The following COL6A6 variants were observed in gnomAD, a reference collection of about 807,000 sequenced individuals.
The protein encoded by COL6A6 is collagen type VI alpha 6 chain.
A neutral mutation model predicts 208.6 loss-of-function variants in COL6A6; 183 were observed. The ratio of observed to expected loss-of-function variants is 0.88; its 90% CI spans 0.78 to 0.99. COL6A6 has a LOEUF of 0.99. COL6A6 is among the 50% of genes least tolerant of loss of function. COL6A6 has a pLI of 0.00. For missense variants in COL6A6, 2,816 were observed against 2,815.2 expected (o/e 1.00, Z -0.01); for synonymous variants, 973 against 1,011.8 (o/e 0.96, Z 0.73).
At chr3:130,552,292 G>A (rs2062661061) in intron 1 of COL6A6, among the ~76,000 whole-genome samples, 1 of 152,160 alleles carries the variant, frequency 6.6e-6, no homozygotes, top group South Asian at 2.1e-4. Context: ...AGGTCTCTGG[G>A]AACTTGCTTA....
intron 33 of COL6A6, among the ~76,000 whole-genome samples, chr3:130,656,682 CCTT>C (rs1184153440): frequency 6.6e-6 from 1 of 152,234 alleles, no homozygotes; most frequent in Non-Finnish European, 1.5e-5. Context: ...CTGTCTGCCT[CCTT>C]CTGTCATCCA....
At chr3:130,578,062 G>A (rs1199670713) in intron 8 of COL6A6, among the ~76,000 whole-genome samples, 1 of 152,072 alleles carries the variant, frequency 6.6e-6, no homozygotes, top group African/African-American at 2.4e-5. Flanking sequence ...TTTGAGACTG[G>A]CTATTCTGTC....
Position 130,586,530 on chromosome 3 carries a change from C to A in COL6A6, c.3995C>A (p.Ala1332Asp). 2 of 1,613,534 alleles carry A rather than the reference C, an allele frequency of 1.2e-6. No homozygotes were observed. Among genetic ancestry groups the A allele is most frequent in the African/African-American group, 1.3e-5 (1 of 75,016 alleles). ...GGCCTGAATGCCCTCATAACTGTTGCTCTGGATGGACCTGCTGATTCAAGT... is the reference window on the plus strand; with the variant it reads ...GGCCTGAATGCCCTCATAACTGTTGATCTGGATGGACCTGCTGATTCAAGT... ...KEGLNALITV[A>D]LDGPADSSDL... The change falls in exon 11 of 37, where the codon GCT (alanine) becomes GAT (aspartate). Residue 1332 changes from alanine (A) to aspartate (D), a missense_variant. Physicochemically the swap from Ala to Asp is moderately radical, Grantham distance 126. Coordinates refer to ENST00000358511, the MANE Select transcript of COL6A6 (RefSeq NM_001102608.3).
chr3:130,603,276 C>A (rs2064079788), intron 20 of COL6A6, among the ~76,000 whole-genome samples: 1 of 152,216 alleles, frequency 6.6e-6, no homozygotes, highest in Non-Finnish European at 1.5e-5. Flanking sequence ...GGCTAGGCCT[C>A]CGCCCATTAG....
chr3:130,596,501 G>A (rs2063854658), intron 18 of COL6A6, among the ~76,000 whole-genome samples: 1 of 152,080 alleles, frequency 6.6e-6, no homozygotes, highest in Non-Finnish European at 1.5e-5. Flanking sequence ...TTTTACATGT[G>A]GCTTCAGTGC....
rs780016731 is a variant in COL6A6, at chr3:130,589,166, G to T, written c.4202G>T (p.Gly1401Val). 7.4e-6 allele frequency: 12 copies of T among 1,613,382 alleles called. No individual in the cohort carries two copies. The South Asian group carries it at 1.3e-4, about 18-fold the overall frequency. ...IGGDGTMGDP[G>V]PPGKRGPPGF... ...GGAGATGGCACAATGGGAGATCCTG[G>T]ACCACCAGGGAAAAGGGTGATTTTA... Residue 1401 changes from glycine to valine, a missense_variant, in exon 12 of 37, where the codon GGA (glycine) becomes GTA (valine). By Grantham distance (109) the Gly-to-Val change is moderately radical. Coordinates refer to ENST00000358511, the MANE Select transcript of COL6A6 (RefSeq NM_001102608.3).
At chr3:130,607,164 A>C (rs544185159) in intron 21 of COL6A6, among the ~76,000 whole-genome samples, 198 bp downstream of exon 21, 3 of 152,328 alleles carry the variant, frequency 2.0e-5, no homozygotes, top group Admixed American at 2.0e-4. Context: ...AAAAACCATA[A>C]AAAATAATGG....
chr3:130,556,774 G>T (rs928570919), intron 1 of COL6A6, among the ~76,000 whole-genome samples: 1 of 152,144 alleles, frequency 6.6e-6, no homozygotes, highest in East Asian at 1.9e-4. Context: ...TCATGTAGAT[G>T]GGTGAATCCT....
Position 130,675,548 on chromosome 3 carries a change from CATTT to C in COL6A6, c.*156_*159del, listed in dbSNP as rs1476183456. On this transcript the variant is annotated 3_prime_UTR_variant, in exon 37 of 37. Transcript: ENST00000358511. Reference sequence around the variant, plus strand: ...CATTGGTATTAAGATATATCTTGTTCATTTATTTGACCACTCCTGACAATTCCAG... The same window carrying C: ...CATTGGTATTAAGATATATCTTGTTCATTTGACCACTCCTGACAATTCCAG... 2 of 535,820 alleles carry C rather than the reference CATTT, an allele frequency of 3.7e-6. No individual in the cohort carries two copies. The highest frequency in any genetic ancestry group is 6.5e-6 in the Non-Finnish European group (2 of 307,060). 33.2% of individuals were successfully genotyped at this position (535,820 alleles called of 1,614,324 possible).
chr3:130,665,653 A>G (rs1032232491), intron 36 of COL6A6, among the ~76,000 whole-genome samples: 1 of 152,242 alleles, frequency 6.6e-6, no homozygotes, highest in Non-Finnish European at 1.5e-5. Context: ...GCAAGTCTAT[A>G]TAGAGGACTT....
In COL6A6 at chr3:130,565,320, CAG is replaced by C. The variant is rs767662986; in HGVS notation, c.989_990del (p.Gln330ArgfsTer24). 9.5e-5 allele frequency: 154 copies of C among 1,614,004 alleles called. 1 individual carries two copies. The highest frequency in any genetic ancestry group is 4.0e-4 in the Admixed American group (24 of 60,016). On this transcript the variant is annotated frameshift_variant, in exon 4 of 37. Transcript: ENST00000358511. LOFTEE classifies it high-confidence loss of function. ...FSARNGSRKNQGVPQIAVLVT... is the reference protein window; with the variant it reads ...FSARNGSRKNXGVPQIAVLVT... ...TGCACGGAATGGCAGTCGGAAGAAT[CAG>C]GGGGTGCCCCAGATTGCCGTGCTGG...
At position 130,598,357 on chromosome 3, in the gene COL6A6, AT is replaced by A; in HGVS notation, c.4534-3del. 1 of 1,532,356 alleles carries A rather than the reference AT, an allele frequency of 6.5e-7. No individual in the cohort carries two copies. The highest frequency in any genetic ancestry group is 8.8e-7 in the Non-Finnish European group (1 of 1,130,828). 94.9% of individuals were successfully genotyped at this position (1,532,356 alleles called of 1,614,324 possible). On this transcript the variant is annotated splice_polypyrimidine_tract_variant and splice_region_variant and intron_variant, in intron 18 of 36. Coordinates refer to ENST00000358511, the MANE Select transcript of COL6A6 (RefSeq NM_001102608.3). ...ATATTAATTTTTCTCTTTATTTTCT[AT>A]TTTTAGGGAGCTCCTGGAGTTGACA... is the stretch of plus-strand genomic sequence containing the variant.
At chr3:130,532,229 T>C (rs72992211) in intron 1 of COL6A6, among the ~76,000 whole-genome samples, 58 of 152,314 alleles carry the variant, frequency 3.8e-4, no homozygotes, top group African/African-American at 1.3e-3. Flanking sequence ...CTACCCCTAT[T>C]GTCTGTTGTC....
At chr3:130,595,340 T>TA (rs1480789817) in intron 18 of COL6A6, among the ~76,000 whole-genome samples, 1 of 152,228 alleles carries the variant, frequency 6.6e-6, no homozygotes, top group African/African-American at 2.4e-5. Flanking sequence ...TATTGAACTG[T>TA]AACATACATC....
intron 8 of COL6A6, among the ~76,000 whole-genome samples, chr3:130,578,662 CAG>C (rs2107984833): frequency 6.6e-6 from 1 of 152,182 alleles, no homozygotes; most frequent in East Asian, 1.9e-4. Flanking sequence ...TCTCATAAGT[CAG>C]AGAGTTAACT....
intron 26 of COL6A6, among the ~76,000 whole-genome samples, chr3:130,628,538 A>G (rs912318805): frequency 6.6e-6 from 1 of 152,120 alleles, no homozygotes; most frequent in African/African-American, 2.4e-5. Flanking sequence ...ATGTTTGAGG[A>G]TTTATTATAA....
At chr3:130,533,413 C>G (rs528281662) in intron 1 of COL6A6, among the ~76,000 whole-genome samples, 1 of 152,188 alleles carries the variant, frequency 6.6e-6, no homozygotes, top group South Asian at 2.1e-4. Context: ...TTTTGAAAGA[C>G]CTTTGTTTGT....
chr3:130,650,898 C>G (rs1301728967), intron 33 of COL6A6, among the ~76,000 whole-genome samples: 2 of 152,278 alleles, frequency 1.3e-5, no homozygotes, highest in East Asian at 3.9e-4. Context: ...AGGGTGGTCA[C>G]TCACCTGTGG....
intron 28 of COL6A6, among the ~76,000 whole-genome samples, chr3:130,638,586 TG>T (rs1446974476): frequency 6.6e-5 from 10 of 152,232 alleles, no homozygotes; most frequent in African/African-American, 2.4e-4. Context: ...CCTTGTTTCG[TG>T]GAAAACTCAT....
Sources: allele counts gnomAD v4.1 joint callset (sites outside exome capture counted in the v4.1 genomes callset), GRCh38; gene constraint gnomAD v4.1.1; transcripts MANE v1.5; gene names NCBI Gene and HGNC (gene_info 2026-07-23, HGNC 2026-07-21).